The following ARFGEF1 variants were observed in gnomAD, a reference collection of about 807,000 sequenced individuals.
ARFGEF1 encodes ARF guanine nucleotide exchange factor 1.
In ARFGEF1, 42 loss-of-function variants were observed where a neutral mutation model predicts 231.0. That is an observed-to-expected ratio of 0.18 (90% confidence interval 0.14 to 0.24). The LOEUF is 0.24. Ranked by LOEUF, ARFGEF1 falls within the 10% of genes least tolerant of loss-of-function variation. The pLI, the probability that ARFGEF1 is intolerant of heterozygous loss-of-function variation, is 1.00. For synonymous variants in ARFGEF1, 710 were observed against 732.3 expected, an observed-to-expected ratio of 0.97 and a Z score of 0.49; for missense variants, 1,345 against 2,192.0, an observed-to-expected ratio of 0.61 and a Z score of 7.72.
intron 7 of ARFGEF1, among the ~76,000 whole-genome samples, chr8:67,280,188 TAA>T (rs1191273517): frequency 6.6e-6 from 1 of 152,220 alleles, no homozygotes; most frequent in African/African-American, 2.4e-5. Flanking sequence ...ACTTGGGTTC[TAA>T]AAGACTTCAA....
At chr8:67,228,364 A>T in intron 23 of ARFGEF1, 100 bp from the exon 24 acceptor site, 1 of 1,153,856 alleles carries the variant, frequency 8.7e-7, no homozygotes, top group East Asian at 2.4e-5. Context: ...TTATGTTTTA[A>T]GGGAACAAAA....
chr8:67,250,604 A>G (rs1840251928), intron 19 of ARFGEF1, among the ~76,000 whole-genome samples: 1 of 152,210 alleles, frequency 6.6e-6, no homozygotes, highest in Non-Finnish European at 1.5e-5. Context: ...TTAGAATCAG[A>G]GTGAGCATCG....
chr8:67,294,802 G>A (rs1460753731), intron 5 of ARFGEF1, among the ~76,000 whole-genome samples: 2 of 152,098 alleles, frequency 1.3e-5, no homozygotes, highest in African/African-American at 4.8e-5. Context: ...CTGCTGAGAG[G>A]CCTAGAAGCA....
At chr8:67,257,525 G>A (rs1404983482) in intron 17 of ARFGEF1, among the ~76,000 whole-genome samples, 1 of 151,572 alleles carries the variant, frequency 6.6e-6, no homozygotes, top group Non-Finnish European at 1.5e-5. Flanking sequence ...GACAAATACA[G>A]AAACATTTTA....
chr8:67,338,886 G>A (rs548176597), intron 1 of ARFGEF1, among the ~76,000 whole-genome samples: 1 of 152,262 alleles, frequency 6.6e-6, no homozygotes, highest in African/African-American at 2.4e-5. Flanking sequence ...ATTGTTTGGG[G>A]ATAAATCATT....
chr8:67,310,254 C>T (rs1169443039), intron 1 of ARFGEF1, among the ~76,000 whole-genome samples: 1 of 151,984 alleles, frequency 6.6e-6, no homozygotes, highest in Admixed American at 6.5e-5. Context: ...ATTGCAGGCA[C>T]GCGCCACCAC....
intron 32 of ARFGEF1, among the ~76,000 whole-genome samples, chr8:67,217,033 G>A (rs373265734): frequency 1.5e-3 from 228 of 151,468 alleles, no homozygotes; most frequent in African/African-American, 5.2e-3. Flanking sequence ...GGCCAGGCGC[G>A]GTGGCTCACG....
At chr8:67,239,385 A>C (rs182580929) in intron 20 of ARFGEF1, among the ~76,000 whole-genome samples, 1 of 152,294 alleles carries the variant, frequency 6.6e-6, no homozygotes, top group East Asian at 1.9e-4. Flanking sequence ...AGTAAGTTTT[A>C]CTTGTCATGA....
intron 1 of ARFGEF1, among the ~76,000 whole-genome samples, chr8:67,331,411 T>G (rs895221002): frequency 5.9e-5 from 9 of 152,024 alleles, no homozygotes; most frequent in African/African-American, 2.2e-4. Context: ...ATAAAAGAGG[T>G]GTATTTCACT....
chr8:67,327,925 CATTTT>C (rs1306152882), intron 1 of ARFGEF1, among the ~76,000 whole-genome samples: 1 of 151,972 alleles, frequency 6.6e-6, no homozygotes, highest in Non-Finnish European at 1.5e-5. Flanking sequence ...GAGTTATTTT[CATTTT>C]ATTAATTATA....
intron 4 of ARFGEF1, among the ~76,000 whole-genome samples, chr8:67,297,710 TACA>T (rs1412940087): frequency 4.6e-5 from 7 of 152,226 alleles, no homozygotes; most frequent in African/African-American, 1.7e-4. Context: ...CTTTATGTTG[TACA>T]ATGCTATGCA....
intron 7 of ARFGEF1, among the ~76,000 whole-genome samples, chr8:67,278,467 T>C (rs1345114106): frequency 6.6e-6 from 1 of 152,194 alleles, no homozygotes; most frequent in Non-Finnish European, 1.5e-5. Context: ...TTTGAGTGAC[T>C]TGAGTAATAT....
intron 1 of ARFGEF1, 62 bp downstream of exon 1, chr8:67,343,102 C>T (rs1045828863): frequency 1.1e-5 from 6 of 560,550 alleles, no homozygotes; most frequent in Non-Finnish European, 1.6e-5. Context: ...CACCCCCCCA[C>T]AGGCGCCCCC....
In ARFGEF1 at chr8:67,190,722, G is replaced by A. The variant is rs911206167; in HGVS notation, c.560+9674C>T. The A allele has an allele frequency of 1.2e-6, 2 of 1,613,744 alleles. No homozygotes were observed. The highest frequency in any genetic ancestry group is 1.7e-5 in the Admixed American group (1 of 59,990). ...CCACCATCACAGTTGCCCTCTGCAC[G>A]GGAGCGCAGGAGGAACAAATGGAAA... On this transcript the variant is annotated intron_variant, in intron 5 of 5. Transcript: ENST00000518789.
intron 19 of ARFGEF1, among the ~76,000 whole-genome samples, chr8:67,241,797 A>C (rs1317009923): frequency 6.6e-6 from 1 of 152,146 alleles, no homozygotes; most frequent in Non-Finnish European, 1.5e-5. Context: ...GATATCACTG[A>C]AAGGGACATT....
At chr8:67,243,342 C>T (rs1015733571) in intron 19 of ARFGEF1, among the ~76,000 whole-genome samples, 1 of 152,168 alleles carries the variant, frequency 6.6e-6, no homozygotes, top group Non-Finnish European at 1.5e-5. Flanking sequence ...GGCTGAGAGG[C>T]CTCACAATCA....
chr8:67,320,963 A>T (rs1373361854), intron 1 of ARFGEF1, among the ~76,000 whole-genome samples: 2 of 152,214 alleles, frequency 1.3e-5, no homozygotes, highest in South Asian at 4.1e-4. Context: ...CTCAAAAAAA[A>T]AATCAAACAA....
chr8:67,331,850 T>C (rs1184892073), intron 1 of ARFGEF1, among the ~76,000 whole-genome samples: 1 of 152,200 alleles, frequency 6.6e-6, no homozygotes, highest in Non-Finnish European at 1.5e-5. Flanking sequence ...TATTTGTACC[T>C]AGCACAGGTA....
At chr8:67,229,439 TAAAAAACAATATAG>T (rs1175250198) in intron 23 of ARFGEF1, among the ~76,000 whole-genome samples, 1 of 151,930 alleles carries the variant, frequency 6.6e-6, no homozygotes, top group Non-Finnish European at 1.5e-5. Flanking sequence ...TGACAATGAG[TAAAAAACAATATAG>T]GAAAAACAGT....
Sources: allele counts gnomAD v4.1 joint callset (sites outside exome capture counted in the v4.1 genomes callset), GRCh38; gene constraint gnomAD v4.1.1; transcripts MANE v1.5; gene names NCBI Gene and HGNC (gene_info 2026-07-23, HGNC 2026-07-21).